Variants in CCDC127 observed in about 807,000 individuals in gnomAD.
CCDC127 encodes coiled-coil domain-containing protein 127.
Under a neutral mutation model 4.1 loss-of-function variants are expected in CCDC127, and 2 were observed. The ratio of observed to expected loss-of-function variants is 0.49; its 90% CI spans 0.20 to 1.53. The LOEUF (loss-of-function observed/expected upper bound fraction) is 1.53, where lower values mean the gene tolerates loss of function less well. Ranked by LOEUF, CCDC127 falls within the 40% of genes most tolerant of loss-of-function variation. CCDC127 has a pLI of 0.23. For missense variants in CCDC127, 271 were observed against 322.9 expected, an observed-to-expected ratio of 0.84 and a Z score of 1.23; for synonymous variants, 98 against 120.4, an observed-to-expected ratio of 0.81 and a Z score of 1.22.
At position 198,760 on chromosome 5, in the gene CCDC127, G is replaced by A. The variant is rs1218228177; in HGVS notation, c.*6537C>T. On this transcript the variant is annotated 3_prime_UTR_variant, in exon 3 of 3. Transcript: ENST00000296824. ...GTCCTCGCCCAATCTTGTGACTCCA[G>A]TCCTGGGTCGCATGGCGTCTGTGGC... 6.6e-6 allele frequency: 1 copy of A among 152,312 alleles called. No individual in the cohort carries two copies. The highest frequency in any genetic ancestry group is 1.5e-5 in the Non-Finnish European group (1 of 68,106). 9.4% of individuals were successfully genotyped at this position (152,312 alleles called of 1,614,324 possible). A position where few individuals can be genotyped will look rare whatever the true frequency, so the allele number is the denominator to read the frequency against.
At chr5:213,289 C>T (rs878888680) in intron 2 of CCDC127, among the ~76,000 whole-genome samples, 89 of 42,810 alleles carry the variant, frequency 2.1e-3, no homozygotes, top group South Asian at 4.4e-3. Flanking sequence ...GCAGCCACGA[C>T]GAGACAGCAC....
chr5:211,324 C>A, intron 2 of CCDC127, among the ~76,000 whole-genome samples: 1 of 55,002 alleles, frequency 1.8e-5, no homozygotes, highest in Non-Finnish European at 3.7e-5. Context: ...CACGACGAGA[C>A]AGCACCACAC....
chr5:205,450 G>A lies in CCDC127; in HGVS notation c.630C>T (p.Thr210=), dbSNP rs10060089. 0.12 allele frequency: 200,461 copies of A among 1,614,034 alleles called. 12,995 individuals are homozygous for A. Among genetic ancestry groups the A allele is most frequent in the Admixed American group, 0.16 (9,783 of 60,016 alleles). ...AADLEMAAGL[T]DIFQHDTYCG... ...AGTATGTATCATGCTGAAATATGTC[G>A]GTGAGACCGGCTGCCATCTCTAGGT... Residue 210 remains threonine (T), a synonymous_variant, in exon 3 of 3, where the codon ACC becomes ACT. Coordinates refer to ENST00000296824, the MANE Select transcript of CCDC127 (RefSeq NM_145265.3).
intron 2 of CCDC127, among the ~76,000 whole-genome samples, chr5:208,006 C>T (rs1260245567): frequency 1.3e-5 from 2 of 152,134 alleles, no homozygotes; most frequent in Admixed American, 6.5e-5. Context: ...GCAGGGGAGG[C>T]TACAGGCAGC....
Position 198,830 on chromosome 5 carries a change from T to G in CCDC127, c.*6467A>C, listed in dbSNP as rs971046912. ...GGGCCCAGGAGCACGCCTGCTGGGTTTTTATGGAGAGCACTTCTCTACCGC... is the reference window on the plus strand; with the variant it reads ...GGGCCCAGGAGCACGCCTGCTGGGTGTTTATGGAGAGCACTTCTCTACCGC... On this transcript the variant is annotated 3_prime_UTR_variant, in exon 3 of 3. Coordinates refer to ENST00000296824, the MANE Select transcript of CCDC127 (RefSeq NM_145265.3). 6.6e-6 allele frequency: 1 copy of G among 152,242 alleles called. No individual in the cohort carries two copies. The highest frequency in any genetic ancestry group is 6.5e-5 in the Admixed American group (1 of 15,286). The allele number at this position is 152,242 out of a possible 1,614,324, so 9.4% of individuals were successfully genotyped here.
rs948427759 is a variant in CCDC127 at position 205,172 on chromosome 5, C to T, written c.*125G>A. 16 of 843,810 alleles carry T rather than the reference C, an allele frequency of 1.9e-5. No homozygotes were observed. The highest frequency in any genetic ancestry group is 1.7e-4 in the African/African-American group (10 of 58,904). The allele number at this position is 843,810 out of a possible 1,614,324, so 52.3% of individuals were successfully genotyped here. A position where few individuals can be genotyped will look rare whatever the true frequency, so the allele number is the denominator to read the frequency against. The stretch of plus-strand genomic sequence containing the variant: ...CTCAGACGGTGGCGGGAGTGGAGGT[C>T]GCTGCTGAAGGGTGACGGTGTGGCC... On this transcript the variant is annotated 3_prime_UTR_variant, in exon 3 of 3. Coordinates refer to ENST00000296824, the MANE Select transcript of CCDC127 (RefSeq NM_145265.3).
In CCDC127 at chr5:202,703, C is replaced by T. The variant is rs755280612; in HGVS notation, c.*2594G>A. 6.6e-6 allele frequency: 1 copy of T among 152,270 alleles called. No individual in the cohort carries two copies. The highest frequency in any genetic ancestry group is 2.1e-4 in the South Asian group (1 of 4,834). 9.4% of individuals were successfully genotyped at this position (152,270 alleles called of 1,614,324 possible). ...AGAAGGAAGCTAGGCTGACAGCACA[C>T]TGGACATTAGAAACAGGATGAGGAT... On this transcript the variant is annotated 3_prime_UTR_variant, in exon 3 of 3. Coordinates refer to ENST00000296824, the MANE Select transcript of CCDC127 (RefSeq NM_145265.3).
intron 2 of CCDC127, among the ~76,000 whole-genome samples, chr5:207,497 A>G (rs1734198669): frequency 6.6e-6 from 1 of 152,224 alleles, no homozygotes; most frequent in Admixed American, 6.5e-5. Flanking sequence ...AAGGTGAATG[A>G]ACAAAGTCTA....
In CCDC127 at chr5:205,360, G is replaced by C. The variant is rs745859188; in HGVS notation, c.720C>G (p.Tyr240Ter). 4.3e-6 allele frequency: 7 copies of C among 1,614,168 alleles called. No homozygotes were observed. The Admixed American group carries it at 5.0e-5, about 12-fold the overall frequency. Residue 240 changes from tyrosine (Y) to a stop codon, truncating the protein, a stop_gained, in exon 3 of 3, where the codon TAC (tyrosine) becomes TAG (stop). Coordinates refer to ENST00000296824, the MANE Select transcript of CCDC127 (RefSeq NM_145265.3). LOFTEE classifies it high-confidence loss of function. ...TCTTCAGTTCGACAACGAGTTCCCA[G>C]TATTTGAGATAGAGCCACATGAGTC... Reference protein sequence around the residue: ...NGRLMWLYLKYWELVVELKKF... With the variant: ...NGRLMWLYLK
intron 1 of CCDC127, 96 bp downstream of exon 1, chr5:217,997 G>A: frequency 4.0e-6 from 3 of 746,062 alleles, no homozygotes; most frequent in Non-Finnish European, 5.1e-6. Context: ...CGGTCTGGGC[G>A]TTCAGGCCCT....
At chr5:206,795 C>T (rs1035163537) in intron 2 of CCDC127, among the ~76,000 whole-genome samples, 3 of 152,200 alleles carry the variant, frequency 2.0e-5, no homozygotes, top group African/African-American at 7.2e-5. Context: ...CAAACAGCGA[C>T]GTGTTCTGCT....
chr5:199,567 C>A lies in CCDC127; in HGVS notation c.*5730G>T, dbSNP rs1460507062. ...CCAGTCACCCCCCGCCCCACCTCTGCCAGCCCAGAGCCCCTCAGCCCAGAT... is the reference window on the plus strand; with the variant it reads ...CCAGTCACCCCCCGCCCCACCTCTGACAGCCCAGAGCCCCTCAGCCCAGAT... On this transcript the variant is annotated 3_prime_UTR_variant, in exon 3 of 3. Transcript: ENST00000296824. 5 of 151,966 alleles carry A rather than the reference C, an allele frequency of 3.3e-5. No individual in the cohort carries two copies. The highest frequency in any genetic ancestry group is 3.3e-4 in the Admixed American group (5 of 15,200). The allele number at this position is 151,966 out of a possible 1,614,324, so 9.4% of individuals were successfully genotyped here. A position where few individuals can be genotyped will look rare whatever the true frequency, so the allele number is the denominator to read the frequency against.
Position 197,440 on chromosome 5 carries a change from A to AC in CCDC127, c.*7856dup, listed in dbSNP as rs1295239003. The AC allele has an allele frequency of 2.6e-5, 4 of 152,186 alleles. No individual in the cohort carries two copies. Among genetic ancestry groups the AC allele is most frequent in the Non-Finnish European group, 5.9e-5 (4 of 68,036 alleles). 9.4% of individuals were successfully genotyped at this position (152,186 alleles called of 1,614,324 possible). A position where few individuals can be genotyped will look rare whatever the true frequency, so the allele number is the denominator to read the frequency against. ...CACATGGGGAGAAACCGTGGACAAT[A>AC]CCCGGCTTTCAAGGGCAGAGGTCCC... is the stretch of plus-strand genomic sequence containing the variant. On this transcript the variant is annotated 3_prime_UTR_variant, in exon 3 of 3. Transcript: ENST00000296824.
Position 199,245 on chromosome 5 carries a change from T to C in CCDC127, c.*6052A>G, listed in dbSNP as rs1173825795. ...TGTTCCACAGGTCAGGAAATGATGA[T>C]ACCCTCGCAGGCCAAGGAGATATAC... On this transcript the variant is annotated 3_prime_UTR_variant, in exon 3 of 3. Coordinates refer to ENST00000296824, the MANE Select transcript of CCDC127 (RefSeq NM_145265.3). The C allele has an allele frequency of 6.5e-6, 1 of 153,172 alleles. No individual in the cohort carries two copies. Among genetic ancestry groups the C allele is most frequent in the Non-Finnish European group, 1.5e-5 (1 of 68,634 alleles). The allele number at this position is 153,172 out of a possible 1,614,324, so 9.5% of individuals were successfully genotyped here.
In CCDC127 at chr5:197,806, CGGAG is replaced by C. The variant is rs1733995972; in HGVS notation, c.*7487_*7490del. ...ACCGCTGCCCCGTATCACCCCCTCC[CGGAG>C]TGTGTCCCCACCCCAGTGGTCCCTG... On this transcript the variant is annotated 3_prime_UTR_variant, in exon 3 of 3. Coordinates refer to ENST00000296824, the MANE Select transcript of CCDC127 (RefSeq NM_145265.3). 6.6e-6 allele frequency: 1 copy of C among 150,428 alleles called. No individual in the cohort carries two copies. Among genetic ancestry groups the C allele is most frequent in the Non-Finnish European group, 1.5e-5 (1 of 67,396 alleles). The allele number at this position is 150,428 out of a possible 1,614,324, so 9.3% of individuals were successfully genotyped here. A position where few individuals can be genotyped will look rare whatever the true frequency, so the allele number is the denominator to read the frequency against.
At chr5:217,558 GA>G (rs1734439491) in intron 1 of CCDC127, among the ~76,000 whole-genome samples, 1 of 152,150 alleles carries the variant, frequency 6.6e-6, no homozygotes, top group African/African-American at 2.4e-5. Context: ...TTTGAAGAGT[GA>G]GCAGCATTTT....
chr5:207,214 C>A (rs1734193330), intron 2 of CCDC127, among the ~76,000 whole-genome samples: 1 of 152,228 alleles, frequency 6.6e-6, no homozygotes, highest in African/African-American at 2.4e-5. Context: ...GCCAGTCCCC[C>A]TTGGATATGC....
chr5:198,276 G>A lies in CCDC127; in HGVS notation c.*7021C>T, dbSNP rs1049312378. The A allele has an allele frequency of 6.6e-6, 1 of 152,342 alleles. No homozygotes were observed. The highest frequency in any genetic ancestry group is 2.4e-5 in the African/African-American group (1 of 41,478). 9.4% of individuals were successfully genotyped at this position (152,342 alleles called of 1,614,324 possible). ...GTGCCTTACTGGAGCCTTGTCCAGGGACATGAATTTGATATTGCGGCCAGC... is the reference window on the plus strand; with the variant it reads ...GTGCCTTACTGGAGCCTTGTCCAGGAACATGAATTTGATATTGCGGCCAGC... On this transcript the variant is annotated 3_prime_UTR_variant, in exon 3 of 3. Coordinates refer to ENST00000296824, the MANE Select transcript of CCDC127 (RefSeq NM_145265.3).
At chr5:209,777 C>T (rs1040685696) in intron 2 of CCDC127, among the ~76,000 whole-genome samples, 1 of 152,234 alleles carries the variant, frequency 6.6e-6, no homozygotes, top group Non-Finnish European at 1.5e-5. Context: ...AGCACGGCCA[C>T]GTGGGGATTG....
Sources: allele counts gnomAD v4.1 joint callset (sites outside exome capture counted in the v4.1 genomes callset), GRCh38; gene constraint gnomAD v4.1.1; transcripts MANE v1.5; gene names NCBI Gene and HGNC (gene_info 2026-07-23, HGNC 2026-07-21).